Variants in ADCY5 observed in about 807,000 individuals in gnomAD.
ADCY5 encodes adenylate cyclase type 5.
Under a neutral mutation model 119.7 loss-of-function variants are expected in ADCY5, and 30 were observed. The ratio of observed to expected loss-of-function variants is 0.25; its 90% CI spans 0.19 to 0.34. The LOEUF is 0.34. Ranked by LOEUF, ADCY5 falls within the 10% of genes least tolerant of loss-of-function variation. The pLI, the probability that ADCY5 is intolerant of heterozygous loss-of-function variation, is 1.00. For synonymous variants in ADCY5, 753 were observed against 762.2 expected, an observed-to-expected ratio of 0.99 and a Z score of 0.20; for missense variants, 1,324 against 1,775.2, an observed-to-expected ratio of 0.75 and a Z score of 4.57.
intron 1 of ADCY5, among the ~76,000 whole-genome samples, chr3:123,403,639 A>G (rs928405611): frequency 8.5e-5 from 13 of 152,122 alleles, no homozygotes; most frequent in Admixed American, 8.5e-4. Context: ...CTCTCCTCCC[A>G]ATCCCCCTCA....
chr3:123,310,946 A>C (rs1259701688), intron 12 of ADCY5, among the ~76,000 whole-genome samples: 2 of 152,202 alleles, frequency 1.3e-5, no homozygotes, highest in African/African-American at 4.8e-5. Context: ...ACTTAGTAAG[A>C]AGGGAAAACC....
intron 1 of ADCY5, among the ~76,000 whole-genome samples, chr3:123,440,127 CATTT>C (rs1327981185): frequency 6.6e-6 from 1 of 152,204 alleles, no homozygotes; most frequent in Non-Finnish European, 1.5e-5. Flanking sequence ...CCCATTCATT[CATTT>C]GCTTGTTCAT....
intron 1 of ADCY5, among the ~76,000 whole-genome samples, chr3:123,410,000 A>G (rs567729655): frequency 3.9e-5 from 6 of 152,304 alleles, no homozygotes; most frequent in African/African-American, 1.4e-4. Context: ...CTTTTTCTAC[A>G]GGTCCTCCCA....
At chr3:123,356,529 G>A (rs1405673830) in intron 1 of ADCY5, among the ~76,000 whole-genome samples, 1 of 152,144 alleles carries the variant, frequency 6.6e-6, no homozygotes, top group African/African-American at 2.4e-5. Context: ...ATATTCATAT[G>A]ATAAAAACAA....
At chr3:123,323,941 C>T (rs75391549) in intron 8 of ADCY5, among the ~76,000 whole-genome samples, 8,123 of 152,040 alleles carry the variant, frequency 0.053, 727 homozygotes, top group African/African-American at 0.19. Flanking sequence ...TATCAAAGGG[C>T]TGGGGTGGCA....
chr3:123,397,415 C>A (rs1198999250), intron 1 of ADCY5, among the ~76,000 whole-genome samples: 1 of 152,240 alleles, frequency 6.6e-6, no homozygotes, highest in Non-Finnish European at 1.5e-5. Flanking sequence ...GCGGAAGGAT[C>A]CCTTGAGCTC....
intron 8 of ADCY5, among the ~76,000 whole-genome samples, chr3:123,321,418 G>A (rs1369708698): frequency 6.6e-6 from 1 of 152,142 alleles, no homozygotes; most frequent in East Asian, 1.9e-4. Flanking sequence ...GGGTGGGAAG[G>A]GCCCTTACCG....
chr3:123,431,317 C>T (rs1945517341), intron 1 of ADCY5, among the ~76,000 whole-genome samples: 1 of 152,280 alleles, frequency 6.6e-6, no homozygotes, highest in East Asian at 1.9e-4. Context: ...AATATCATAT[C>T]CCCCCTACTC....
chr3:123,348,384 T>G (rs1942674182), intron 2 of ADCY5, among the ~76,000 whole-genome samples: 1 of 152,186 alleles, frequency 6.6e-6, no homozygotes, highest in East Asian at 1.9e-4. Context: ...CAGGCACTAT[T>G]CTGGGGACCA....
chr3:123,359,241 G>A (rs1259571191), intron 1 of ADCY5, among the ~76,000 whole-genome samples: 2 of 149,826 alleles, frequency 1.3e-5, no homozygotes, highest in East Asian at 3.9e-4. Flanking sequence ...GGAGCAGGAT[G>A]TTCAGTTAAA....
At chr3:123,322,480 A>T (rs1050204681) in intron 8 of ADCY5, among the ~76,000 whole-genome samples, 1 of 152,164 alleles carries the variant, frequency 6.6e-6, no homozygotes, top group Non-Finnish European at 1.5e-5. Flanking sequence ...CCAGGTCGGC[A>T]TGGCGAGTTG....
chr3:123,410,197 C>T (rs1243248965), intron 1 of ADCY5, among the ~76,000 whole-genome samples: 1 of 152,204 alleles, frequency 6.6e-6, no homozygotes, highest in Non-Finnish European at 1.5e-5. Flanking sequence ...GGGGCTGGAA[C>T]ACAGCTCATC....
At chr3:123,290,004 G>T (rs1399569594) in intron 18 of ADCY5, 50 bp from the exon 19 acceptor site, 20 of 1,585,940 alleles carry the variant, frequency 1.3e-5, no homozygotes, top group Non-Finnish European at 1.6e-5. Flanking sequence ...GGACACCGAG[G>T]GCCACAGGGA....
In ADCY5 at chr3:123,283,304, T is replaced by C. The variant is rs1165737972; in HGVS notation, c.*1304A>G. 6.6e-6 allele frequency: 1 copy of C among 152,240 alleles called. No homozygotes were observed. Among genetic ancestry groups the C allele is most frequent in the East Asian group, 1.9e-4 (1 of 5,206 alleles). The allele number at this position is 152,240 out of a possible 1,614,324, so 9.4% of individuals were successfully genotyped here. Reference sequence around the variant, plus strand: ...TAAGCACTCTGGAATCTGTGGGCGCTGCCTCTGTAAGCCGCAAACGTCTGA... The same window carrying C: ...TAAGCACTCTGGAATCTGTGGGCGCCGCCTCTGTAAGCCGCAAACGTCTGA... On this transcript the variant is annotated 3_prime_UTR_variant, in exon 21 of 21. Transcript: ENST00000462833.
chr3:123,384,865 C>A (rs6790843), intron 1 of ADCY5, among the ~76,000 whole-genome samples: 72,441 of 151,876 alleles, frequency 0.48, 18,084 homozygotes, highest in East Asian at 0.68. Context: ...CCCCTCGGCC[C>A]GGGAGAGGAA....
Position 123,304,075 on chromosome 3 carries a change from C to G in ADCY5, c.2551G>C (p.Val851Leu). ...TITLVFLAAF[V>L]NMFTCNSRDL... is the part of the protein sequence containing the mutation. ...GTCGTGCAGCCACCCACCATGTTGA[C>G]AAAAGCCGCCAGGAACACCAGGGTG... Residue 851 changes from valine to leucine, a missense_variant, in exon 13 of 21, where the codon GTC becomes CTC. Transcript: ENST00000462833. 1 of 1,608,812 alleles carries G rather than the reference C, an allele frequency of 6.2e-7. No individual in the cohort carries two copies. The highest frequency in any genetic ancestry group is 8.5e-7 in the Non-Finnish European group (1 of 1,176,380).
intron 1 of ADCY5, among the ~76,000 whole-genome samples, chr3:123,361,129 G>A (rs1380405239): frequency 6.6e-6 from 1 of 152,032 alleles, no homozygotes; most frequent in South Asian, 2.1e-4. Flanking sequence ...TGTCCCAGGC[G>A]CCCTAGGCCT....
intron 15 of ADCY5, among the ~76,000 whole-genome samples, chr3:123,299,583 CT>C (rs1313888689): frequency 6.6e-6 from 1 of 152,234 alleles, no homozygotes; most frequent in African/African-American, 2.4e-5. Flanking sequence ...ACCTTCACAC[CT>C]ACCACCTCTA....
intron 1 of ADCY5, chr3:123,368,012 C>A: frequency 1.3e-6 from 2 of 1,502,472 alleles, no homozygotes; most frequent in Non-Finnish European, 1.8e-6. Flanking sequence ...GGACCATGGG[C>A]ACCTCAGCAG....
Sources: allele counts gnomAD v4.1 joint callset (sites outside exome capture counted in the v4.1 genomes callset), GRCh38; gene constraint gnomAD v4.1.1; transcripts MANE v1.5; gene names NCBI Gene and HGNC (gene_info 2026-07-23, HGNC 2026-07-21).